The following DSE variants were observed in gnomAD, a reference collection of about 807,000 sequenced individuals.
DSE encodes dermatan sulfate epimerase.
Under a neutral mutation model 84.4 loss-of-function variants are expected in DSE, and 36 were observed. That is an observed-to-expected ratio of 0.43 (90% CI 0.33 to 0.56). DSE has a LOEUF of 0.56. Ranked by LOEUF, DSE falls within the 20% of genes least tolerant of loss-of-function variation. DSE has a pLI of 0.06. For synonymous variants in DSE, 410 were observed against 430.1 expected, an observed-to-expected ratio of 0.95 and a Z score of 0.58; for missense variants, 862 against 1,169.6, an observed-to-expected ratio of 0.74 and a Z score of 3.84.
chr6:116,281,814 A>C (rs1773561189), intron 2 of DSE, among the ~76,000 whole-genome samples: 2 of 152,234 alleles, frequency 1.3e-5, no homozygotes, highest in Admixed American at 1.3e-4. Flanking sequence ...GAAGAGAAGT[A>C]AGGGGCATAT....
At chr6:116,329,251 A>G (rs1292837648) in intron 2 of DSE, among the ~76,000 whole-genome samples, 1 of 152,236 alleles carries the variant, frequency 6.6e-6, no homozygotes, top group Admixed American at 6.5e-5. Flanking sequence ...TTTCATTTTT[A>G]TAATCACTCT....
At chr6:116,278,102 G>A (rs1425531663) in intron 2 of DSE, 1 of 220,948 alleles carries the variant, frequency 4.5e-6, no homozygotes. Context: ...CTGTCCACAG[G>A]GCATGTGCCC....
intron 2 of DSE, among the ~76,000 whole-genome samples, chr6:116,300,971 T>G (rs573384669): frequency 6.6e-6 from 1 of 152,204 alleles, no homozygotes; most frequent in Non-Finnish European, 1.5e-5. Flanking sequence ...TGATCAGTAT[T>G]TATAGACAGC....
chr6:116,387,366 G>T (rs1042615538), intron 1 of DSE, among the ~76,000 whole-genome samples: 4 of 152,198 alleles, frequency 2.6e-5, no homozygotes, highest in Admixed American at 1.3e-4. Context: ...AAATGAAGAT[G>T]ATTTCCAAAT....
intron 2 of DSE, among the ~76,000 whole-genome samples, chr6:116,329,685 C>T (rs568496014): frequency 1.8e-4 from 27 of 152,204 alleles, no homozygotes; most frequent in East Asian, 9.6e-4. Flanking sequence ...CACATCTGAC[C>T]GCACTGATTT....
rs1335173362 is a variant in DSE at position 116,437,140 on chromosome 6, G to A, written c.2672G>A (p.Ser891Asn). Residue 891 changes from serine to asparagine, a missense_variant, in exon 6 of 6, where the codon AGC becomes AAC. This residue lies in a region of DSE where 315 missense variants were observed against 348.1 expected (regional missense o/e 0.90). Coordinates refer to ENST00000644252, the MANE Select transcript of DSE (RefSeq NM_013352.4). ...GQARMVTTTH[S>N]RAPSLSASYT... ...GCACGGATGGTGACAACTACACACA[G>A]CAGGGCCCCATCACTGTCTGCTTCC... The A allele has an allele frequency of 6.2e-7, 1 of 1,614,138 alleles. No individual in the cohort carries two copies. The highest frequency in any genetic ancestry group is 8.5e-7 in the Non-Finnish European group (1 of 1,180,006).
intron 3 of DSE, among the ~76,000 whole-genome samples, chr6:116,428,976 G>A (rs115634013): frequency 0.014 from 2,057 of 152,272 alleles, 45 homozygotes; most frequent in African/African-American, 0.045. Context: ...GGTAGACATT[G>A]CCTCATGTCT....
At chr6:116,292,028 G>A (rs1383852850) in intron 2 of DSE, among the ~76,000 whole-genome samples, 2 of 152,136 alleles carry the variant, frequency 1.3e-5, no homozygotes, top group African/African-American at 4.8e-5. Flanking sequence ...GAGATGTTGG[G>A]TATTTGTAGA....
In DSE at chr6:116,443,211, G is replaced by A. The variant is rs1220225449; in HGVS notation, c.*5866G>A. On this transcript the variant is annotated 3_prime_UTR_variant, in exon 6 of 6. Coordinates refer to ENST00000644252, the MANE Select transcript of DSE (RefSeq NM_013352.4). ...CTCCTAGCCCACAGGCAAAATGTGT[G>A]GCCAAAGGAATGAATATTTTGTGGA... The A allele has an allele frequency of 6.6e-6, 1 of 152,168 alleles. No homozygotes were observed. Among genetic ancestry groups the A allele is most frequent in the Non-Finnish European group, 1.5e-5 (1 of 68,052 alleles). The allele number at this position is 152,168 out of a possible 1,614,324, so 9.4% of individuals were successfully genotyped here.
intron 2 of DSE, among the ~76,000 whole-genome samples, chr6:116,289,234 G>A (rs1370753300): frequency 6.6e-6 from 1 of 151,882 alleles, no homozygotes; most frequent in Non-Finnish European, 1.5e-5. Flanking sequence ...AGGTAAAATG[G>A]TAAGGTATAA....
At chr6:116,358,054 C>T (rs1778676615) in intron 2 of DSE, among the ~76,000 whole-genome samples, 1 of 152,170 alleles carries the variant, frequency 6.6e-6, no homozygotes. Flanking sequence ...CACAGAAATA[C>T]TTTCAATTTC....
intron 2 of DSE, among the ~76,000 whole-genome samples, chr6:116,354,620 C>T (rs913733144): frequency 6.6e-6 from 1 of 152,134 alleles, no homozygotes; most frequent in Non-Finnish European, 1.5e-5. Context: ...GGTGATTTAT[C>T]TTCAGAATGG....
In DSE at chr6:116,384,394, TGTTA is replaced by T. The variant is rs1228365977; in HGVS notation, c.-54+13279_-54+13282del. ...AGGCAGTGGTCTGCGATTAGAGGCA[TGTTA>T]GTTAGGCATGCTAATAATGGGATGG... On this transcript the variant is annotated intron_variant, in intron 1 of 5. Coordinates refer to ENST00000644252, the MANE Select transcript of DSE (RefSeq NM_013352.4). Among the ~76,000 whole-genome samples the T allele has an allele frequency of 4.6e-5, 7 of 152,056 alleles. No individual in the cohort carries two copies. The South Asian group carries it at 1.2e-3, about 27-fold the overall frequency.
intron 2 of DSE, among the ~76,000 whole-genome samples, chr6:116,300,328 A>G (rs1262096984): frequency 2.0e-5 from 3 of 152,242 alleles, no homozygotes; most frequent in African/African-American, 4.8e-5. Flanking sequence ...GATGAGTACA[A>G]TACTCATTTC....
chr6:116,311,703 C>T (rs1381000186), intron 2 of DSE, among the ~76,000 whole-genome samples: 3 of 152,182 alleles, frequency 2.0e-5, no homozygotes, highest in Admixed American at 1.3e-4. Context: ...TTTGCACTTG[C>T]GATTCCTTGT....
chr6:116,399,614 G>A lies in DSE; in HGVS notation c.364G>A (p.Ala122Thr), dbSNP rs1781474657. 1.2e-6 allele frequency: 2 copies of A among 1,614,220 alleles called. No individual in the cohort carries two copies. Among genetic ancestry groups the A allele is most frequent in the Non-Finnish European group, 1.7e-6 (2 of 1,180,050 alleles). The change falls in exon 2 of 6, where the codon GCC becomes ACC. Residue 122 changes from alanine to threonine, a missense_variant. Coordinates refer to ENST00000644252, the MANE Select transcript of DSE (RefSeq NM_013352.4). ...TGTGCTGTATCCTGAGAACATTGAA[G>A]CCCGAGACATGGCCAAAGACTACAT... The part of the protein sequence containing the change: ...FCVLYPENIE[A>T]RDMAKDYMER...
intron 2 of DSE, among the ~76,000 whole-genome samples, chr6:116,288,725 G>C (rs1364877005): frequency 1.3e-5 from 2 of 152,054 alleles, no homozygotes; most frequent in East Asian, 3.8e-4. Flanking sequence ...CATCTGACTA[G>C]TGGCTGCTAT....
At chr6:116,256,438 C>T (rs1481952989) in intron 1 of DSE, 1 of 152,160 alleles carries the variant, frequency 6.6e-6, no homozygotes, top group Admixed American at 6.5e-5. Flanking sequence ...TGTATCTAAA[C>T]ATAAGAATGA....
At chr6:116,312,783 A>T (rs912113877) in intron 2 of DSE, among the ~76,000 whole-genome samples, 2 of 151,882 alleles carry the variant, frequency 1.3e-5, no homozygotes, top group Admixed American at 6.6e-5. Context: ...ATATATTTTT[A>T]TTTTTATTTC....
Sources: gnomAD v4.1 joint callset for allele counts (sites outside exome capture counted in the v4.1 genomes callset) on GRCh38, gnomAD v4.1.1 for gene constraint, gnomAD v4.1.1 regional missense constraint, MANE v1.5 for transcripts, NCBI Gene and HGNC (gene_info 2026-07-23, HGNC 2026-07-21) for gene names.